The following GPC5 variants were observed in gnomAD, a reference collection of about 807,000 sequenced individuals.
GPC5 encodes glypican-5.
GPC5 carries 47 observed loss-of-function variants against 53.9 expected under a neutral mutation model. The ratio of observed to expected loss-of-function variants is 0.87; its 90% confidence interval spans 0.69 to 1.11. The LOEUF is 1.11. Among genes scored for constraint, GPC5 ranks in the 50% most tolerant of loss-of-function variants. The probability of loss-of-function intolerance (pLI) is 0.00; values close to 1 mark genes in which losing one functional copy is unlikely to be tolerated. For synonymous variants in GPC5, 286 were observed against 263.3 expected, an observed-to-expected ratio of 1.09 and a Z score of -0.84; for missense variants, 748 against 713.1, an observed-to-expected ratio of 1.05 and a Z score of -0.56.
At chr13:92,531,078 T>C (rs1881547774) in intron 7 of GPC5, among the ~76,000 whole-genome samples, 1 of 152,174 alleles carries the variant, frequency 6.6e-6, no homozygotes, top group African/African-American at 2.4e-5. Context: ...AAGGCTTTCA[T>C]TATGATTGTA....
intron 7 of GPC5, among the ~76,000 whole-genome samples, chr13:92,185,670 T>C (rs2042178953): frequency 6.6e-6 from 1 of 152,028 alleles, no homozygotes; most frequent in Non-Finnish European, 1.5e-5. Context: ...TAAGAGTAAA[T>C]AAAACAAAAC....
intron 6 of GPC5, among the ~76,000 whole-genome samples, chr13:92,055,950 G>C (rs1219541346): frequency 6.6e-6 from 1 of 152,028 alleles, no homozygotes; most frequent in Non-Finnish European, 1.5e-5. Flanking sequence ...TGTTTTTACT[G>C]TACCATTAGT....
At chr13:91,845,951 C>T (rs2038844261) in intron 5 of GPC5, among the ~76,000 whole-genome samples, 1 of 152,136 alleles carries the variant, frequency 6.6e-6, no homozygotes, top group Admixed American at 6.5e-5. Context: ...TTAGATCACA[C>T]TTAAAATTGG....
chr13:92,704,336 A>G (rs1371266419), intron 7 of GPC5, among the ~76,000 whole-genome samples: 1 of 152,098 alleles, frequency 6.6e-6, no homozygotes, highest in Non-Finnish European at 1.5e-5. Flanking sequence ...TTGAATGGCA[A>G]TATGAGAGAA....
rs542024189 is a variant in GPC5 at position 91,491,643 on chromosome 13, C to G, written c.325+42721C>G. ...ATCCAGAAGTCAGCAGGACTTCTTGCCCTTGCTCCTGAAGCTCTAGGGGAC... is the reference window on the plus strand; with the variant it reads ...ATCCAGAAGTCAGCAGGACTTCTTGGCCTTGCTCCTGAAGCTCTAGGGGAC... On this transcript the variant is annotated intron_variant, in intron 2 of 7. Transcript: ENST00000377067. Among the ~76,000 whole-genome samples, 12 of 152,230 alleles carry G rather than the reference C, an allele frequency of 7.9e-5. No individual in the cohort carries two copies. In the South Asian group the frequency reaches 2.3e-3, roughly 29 times the overall value.
chr13:92,030,665 T>C (rs1207664606), intron 6 of GPC5, among the ~76,000 whole-genome samples: 2 of 152,166 alleles, frequency 1.3e-5, no homozygotes, highest in Non-Finnish European at 2.9e-5. Flanking sequence ...CTAGTAGACA[T>C]TCTCAGCATT....
intron 7 of GPC5, among the ~76,000 whole-genome samples, chr13:92,642,479 AC>A (rs1885627281): frequency 1.3e-5 from 2 of 152,158 alleles, no homozygotes; most frequent in South Asian, 4.1e-4. Context: ...TGGTGTCTCA[AC>A]AGGTCTGTAT....
chr13:91,442,332 C>A lies in GPC5; in HGVS notation c.164-6429C>A, dbSNP rs183183719. On this transcript the variant is annotated intron_variant, in intron 1 of 7. Transcript: ENST00000377067. ...TGTTAAAAAGTAGTTTTTATCATTT[C>A]CATGTGTTGCCCATTTAAAGAACAT... Among the ~76,000 whole-genome samples the A allele has an allele frequency of 6.8e-4, 104 of 152,236 alleles. No homozygotes were observed. The Middle Eastern group carries it at 0.024, about 35-fold the overall frequency.
chr13:91,454,340 T>A (rs1488271838), intron 2 of GPC5, among the ~76,000 whole-genome samples: 1 of 152,102 alleles, frequency 6.6e-6, no homozygotes, highest in Non-Finnish European at 1.5e-5. Flanking sequence ...TTTCCAAGTT[T>A]CTTTTTTAAA....
chr13:92,317,689 A>G (rs141603593), intron 7 of GPC5, among the ~76,000 whole-genome samples: 1 of 151,744 alleles, frequency 6.6e-6, no homozygotes, highest in South Asian at 2.1e-4. Flanking sequence ...TTTACTAGAG[A>G]CAGGGTTTCA....
rs1248065125 is a variant in GPC5, at chr13:92,641,560, A to AGAT, written c.1562-224720_1562-224718dup. On this transcript the variant is annotated intron_variant, in intron 7 of 7. Coordinates refer to ENST00000377067, the MANE Select transcript of GPC5 (RefSeq NM_004466.6). The stretch of plus-strand genomic sequence containing the variant: ...AAATTTCTTGAATTTTATTATCTTC[A>AGAT]GATGCTTATTTGAGGATATTTAATT... Among the ~76,000 whole-genome samples, 130 of 152,326 alleles carry AGAT rather than the reference A, an allele frequency of 8.5e-4. 1 individual carries two copies. The highest frequency in any genetic ancestry group is 2.8e-3 in the African/African-American group (118 of 41,578).
At position 91,900,116 on chromosome 13, in the gene GPC5, A is replaced by G. The variant is rs117209161; in HGVS notation, c.1281-7821A>G. On this transcript the variant is annotated intron_variant, in intron 5 of 7. Transcript: ENST00000377067. ...TTTAATGTAGCCAGAAGCTTTTTAAATATGAAATTTAATTCGTGCTTGTGT... is the reference window on the plus strand; with the variant it reads ...TTTAATGTAGCCAGAAGCTTTTTAAGTATGAAATTTAATTCGTGCTTGTGT... Among the ~76,000 whole-genome samples the G allele has an allele frequency of 9.4e-3, 1,431 of 152,304 alleles. 15 individuals are homozygous for G. The highest frequency in any genetic ancestry group is 0.012 in the Non-Finnish European group (822 of 68,016).
intron 7 of GPC5, among the ~76,000 whole-genome samples, chr13:92,637,132 T>C (rs1885433640): frequency 2.0e-5 from 3 of 152,172 alleles, no homozygotes; most frequent in Admixed American, 2.0e-4. Context: ...TATCTCCTAA[T>C]AGTCCTATCC....
rs138508044 is a variant in GPC5 at position 92,486,213 on chromosome 13, C to T, written c.1561+341224C>T. 5.9e-5 allele frequency among the ~76,000 whole-genome samples: 9 copies of T among 152,240 alleles called. No homozygotes were observed. The East Asian group carries it at 1.7e-3, about 30-fold the overall frequency. On this transcript the variant is annotated intron_variant, in intron 7 of 7. Transcript: ENST00000377067. ...TGCTGGTTAAAATGATAGCCCCTGACTTAATTATATGGGCTGTCAGGCAAA... is the reference window on the plus strand; with the variant it reads ...TGCTGGTTAAAATGATAGCCCCTGATTTAATTATATGGGCTGTCAGGCAAA...
chr13:92,423,330 T>A (rs1876668674), intron 7 of GPC5, among the ~76,000 whole-genome samples: 1 of 152,198 alleles, frequency 6.6e-6, no homozygotes, highest in African/African-American at 2.4e-5. Flanking sequence ...TAAAATTTCT[T>A]GAGTAGTAGG....
At chr13:91,564,682 G>A (rs572601326) in intron 2 of GPC5, among the ~76,000 whole-genome samples, 97 of 152,016 alleles carry the variant, frequency 6.4e-4, no homozygotes, top group Non-Finnish European at 1.2e-3. Context: ...TTGCTTATAG[G>A]TATCCCTGAG....
intron 6 of GPC5, among the ~76,000 whole-genome samples, chr13:92,016,777 G>A (rs1226786725): frequency 2.7e-5 from 4 of 150,822 alleles, no homozygotes; most frequent in Non-Finnish European, 5.9e-5. Flanking sequence ...ACCAAGGCTG[G>A]AGTGCAGTGG....
intron 2 of GPC5, among the ~76,000 whole-genome samples, chr13:91,607,513 G>A (rs1047790717): frequency 2.0e-5 from 3 of 152,112 alleles, no homozygotes; most frequent in African/African-American, 4.8e-5. Flanking sequence ...TGCCCTGTAC[G>A]TAGATGATAA....
At chr13:92,058,288 T>C (rs1182340355) in intron 6 of GPC5, among the ~76,000 whole-genome samples, 1 of 152,138 alleles carries the variant, frequency 6.6e-6, no homozygotes, top group African/African-American at 2.4e-5. Flanking sequence ...TGGCCTCCCG[T>C]AGTGGTGGAA....
Sources: gnomAD v4.1 joint callset for allele counts (sites outside exome capture counted in the v4.1 genomes callset) on GRCh38, gnomAD v4.1.1 for gene constraint, MANE v1.5 for transcripts, NCBI Gene and HGNC (gene_info 2026-07-23, HGNC 2026-07-21) for gene names.